RBFOX1: variants seen among roughly 807,000 people sequenced by gnomAD.
RBFOX1 encodes RNA binding fox-1 homolog 1.
In RBFOX1, 8 loss-of-function variants were observed where a neutral mutation model predicts 57.7. That is an observed-to-expected ratio of 0.14 (90% CI 0.08 to 0.25). The LOEUF is 0.25. Among genes scored for constraint, RBFOX1 ranks in the 10% least tolerant of loss-of-function variants. The pLI is 1.00. For synonymous variants in RBFOX1, 326 were observed against 222.4 expected, an observed-to-expected ratio of 1.47 and a Z score of -4.15; for missense variants, 611 against 548.5, an observed-to-expected ratio of 1.11 and a Z score of -1.14.
At chr16:6,853,493 C>G (rs749645560) in intron 3 of RBFOX1, among the ~76,000 whole-genome samples, 16 of 152,064 alleles carry the variant, frequency 1.1e-4, no homozygotes, top group Admixed American at 5.2e-4. Context: ...GTGTGGTGCT[C>G]GAGGACAATC....
intron 4 of RBFOX1, among the ~76,000 whole-genome samples, chr16:7,407,094 G>C (rs1212418203): frequency 6.6e-6 from 1 of 152,130 alleles, no homozygotes; most frequent in Non-Finnish European, 1.5e-5. Flanking sequence ...GTTTTTGGGG[G>C]AACGGGTGGT....
chr16:5,596,230 G>A (rs1335557417), intron 2 of RBFOX1, among the ~76,000 whole-genome samples: 4 of 152,196 alleles, frequency 2.6e-5, no homozygotes, highest in Admixed American at 1.3e-4. Flanking sequence ...ATACTCGAGT[G>A]TGAGTCCTAA....
At chr16:6,406,150 T>C (rs1474368279) in intron 2 of RBFOX1, among the ~76,000 whole-genome samples, 2 of 152,242 alleles carry the variant, frequency 1.3e-5, no homozygotes, top group Non-Finnish European at 2.9e-5. Flanking sequence ...TTTTACAAGA[T>C]GGCAACACTC....
At chr16:6,723,587 AG>A (rs1253850724) in intron 3 of RBFOX1, among the ~76,000 whole-genome samples, 1 of 152,206 alleles carries the variant, frequency 6.6e-6, no homozygotes, top group Non-Finnish European at 1.5e-5. Context: ...GGATGGCAGT[AG>A]GGGATATCTT....
At chr16:7,149,906 C>T (rs181035681) in intron 4 of RBFOX1, among the ~76,000 whole-genome samples, 2 of 152,310 alleles carry the variant, frequency 1.3e-5, no homozygotes, top group Non-Finnish European at 2.9e-5. Flanking sequence ...CTCATCTAAA[C>T]TCCAGCCACA....
intron 3 of RBFOX1, among the ~76,000 whole-genome samples, chr16:5,856,575 G>GTGTGTGTGTGTGTA (rs1192496608): frequency 1.8e-4 from 6 of 32,920 alleles, no homozygotes; most frequent in Non-Finnish European, 2.9e-4. Context: ...GTGTGTGTGT[G>GTGTGTGTGTGTGTA]TATATATATA....
Position 6,827,910 on chromosome 16 carries a change from C to T in RBFOX1, c.-16+173260C>T, listed in dbSNP as rs115976985. Among the ~76,000 whole-genome samples, 645 of 152,342 alleles carry T rather than the reference C, an allele frequency of 4.2e-3. 4 individuals are homozygous for T. Among genetic ancestry groups the T allele is most frequent in the African/African-American group, 0.014 (600 of 41,578 alleles). On this transcript the variant is annotated intron_variant, in intron 3 of 15. Coordinates refer to ENST00000550418, the MANE Select transcript of RBFOX1 (RefSeq NM_018723.4). ...AGGCAGTAATTCCAGTAGTAATTTGCATACATTTGTAAGCAGTTTTGATTA... is the reference window on the plus strand; with the variant it reads ...AGGCAGTAATTCCAGTAGTAATTTGTATACATTTGTAAGCAGTTTTGATTA...
intron 2 of RBFOX1, among the ~76,000 whole-genome samples, chr16:5,470,415 G>A (rs1441270343): frequency 6.6e-6 from 1 of 152,184 alleles, no homozygotes; most frequent in Admixed American, 6.5e-5. Flanking sequence ...TGCAGTTTCT[G>A]GGTCATTTGA....
At chr16:6,111,629 G>C (rs2096447762) in intron 1 of RBFOX1, among the ~76,000 whole-genome samples, 1 of 152,200 alleles carries the variant, frequency 6.6e-6, no homozygotes, top group South Asian at 2.1e-4. Context: ...TTTCTAATGT[G>C]AGTCATTGGC....
At chr16:7,337,620 G>C (rs2096816247) in intron 4 of RBFOX1, among the ~76,000 whole-genome samples, 1 of 152,164 alleles carries the variant, frequency 6.6e-6, no homozygotes, top group African/African-American at 2.4e-5. Context: ...GCTCACAAAA[G>C]AATGGGCTTC....
At chr16:6,640,720 C>G (rs1455279760) in intron 2 of RBFOX1, among the ~76,000 whole-genome samples, 2 of 152,152 alleles carry the variant, frequency 1.3e-5, no homozygotes, top group African/African-American at 4.8e-5. Flanking sequence ...TTGTGACCCT[C>G]TAGAAAGGAA....
At chr16:6,066,123 C>T (rs1370406234) in intron 1 of RBFOX1, among the ~76,000 whole-genome samples, 1 of 151,550 alleles carries the variant, frequency 6.6e-6, no homozygotes, top group East Asian at 1.9e-4. Flanking sequence ...GTGAAACCCC[C>T]TCTCTACTAA....
intron 4 of RBFOX1, among the ~76,000 whole-genome samples, chr16:7,405,428 G>C (rs1310207195): frequency 6.6e-6 from 1 of 152,146 alleles, no homozygotes; most frequent in East Asian, 1.9e-4. Flanking sequence ...AACATTGAGC[G>C]GAGCTGAGCT....
chr16:5,808,859 G>C (rs925077645), intron 3 of RBFOX1, among the ~76,000 whole-genome samples: 2 of 152,122 alleles, frequency 1.3e-5, no homozygotes, highest in Middle Eastern at 3.2e-3. Context: ...ATCATGTCAT[G>C]TGCAAACAGG....
intron 4 of RBFOX1, among the ~76,000 whole-genome samples, chr16:7,194,775 A>G (rs1005560439): frequency 3.5e-5 from 5 of 144,868 alleles, no homozygotes; most frequent in African/African-American, 1.0e-4. Flanking sequence ...AAAAACTACA[A>G]AAATTAGCTG....
chr16:6,142,072 C>T (rs368895057), intron 1 of RBFOX1, among the ~76,000 whole-genome samples: 1 of 149,682 alleles, frequency 6.7e-6, no homozygotes, highest in African/African-American at 2.5e-5. Flanking sequence ...ATAATCTCAT[C>T]ACCTGGAATA....
chr16:5,710,783 T>C (rs1258833844), intron 3 of RBFOX1, among the ~76,000 whole-genome samples: 1 of 152,144 alleles, frequency 6.6e-6, no homozygotes, highest in Non-Finnish European at 1.5e-5. Context: ...CCCCTGGCGT[T>C]TTCTGGGCTT....
In RBFOX1 at chr16:6,557,016, CAT is replaced by C. The variant is rs879560424; in HGVS notation, c.-63-97579_-63-97578del. Among the ~76,000 whole-genome samples, 921 of 144,046 alleles carry C rather than the reference CAT, an allele frequency of 6.4e-3. 4 individuals are homozygous for C. Among genetic ancestry groups the C allele is most frequent in the Middle Eastern group, 0.019 (5 of 266 alleles). The allele number at this position is 144,046 out of a possible 152,430, so 94.5% of individuals were successfully genotyped here. On this transcript the variant is annotated intron_variant, in intron 2 of 15. Coordinates refer to ENST00000550418, the MANE Select transcript of RBFOX1 (RefSeq NM_018723.4). ...ACATACATATATATACATATATATACATATATATACATATATACACATATATA... is the reference window on the plus strand; with the variant it reads ...ACATACATATATATACATATATATACATATATACATATATACACATATATA...
intron 2 of RBFOX1, among the ~76,000 whole-genome samples, chr16:5,518,184 A>G (rs546439955): frequency 1.3e-5 from 2 of 152,328 alleles, no homozygotes; most frequent in East Asian, 3.9e-4. Context: ...AATTAGAAAC[A>G]TTAATTTAAT....
Sources: allele counts gnomAD v4.1 joint callset (sites outside exome capture counted in the v4.1 genomes callset), GRCh38; gene constraint gnomAD v4.1.1; transcripts MANE v1.5; gene names NCBI Gene and HGNC (gene_info 2026-07-23, HGNC 2026-07-21).